The following MACROD2 variants were observed in gnomAD, a reference collection of about 807,000 sequenced individuals.
The protein encoded by MACROD2 is ADP-ribose glycohydrolase MACROD2.
MACROD2 carries 36 observed loss-of-function variants against 70.4 expected under a neutral mutation model. That is an observed-to-expected ratio of 0.51 (90% CI 0.39 to 0.68). MACROD2 has a LOEUF of 0.68. Ranked by LOEUF, MACROD2 falls within the 30% of genes least tolerant of loss-of-function variation. MACROD2 has a pLI of 0.00. For missense variants in MACROD2, 496 were observed against 538.4 expected (o/e 0.92, Z 0.78); for synonymous variants, 172 against 178.8 (o/e 0.96, Z 0.30).
At chr20:15,838,368 T>C (rs1484349199) in intron 8 of MACROD2, among the ~76,000 whole-genome samples, 1 of 152,194 alleles carries the variant, frequency 6.6e-6, no homozygotes, top group Non-Finnish European at 1.5e-5. Flanking sequence ...GCAAAATGTT[T>C]AATGTTTCCA....
At position 16,050,051 on chromosome 20, in the gene MACROD2, GA is replaced by G. The variant is rs560006410; in HGVS notation, c.*183del. 218 of 538,630 alleles carry G rather than the reference GA, an allele frequency of 4.0e-4. 1 individual carries two copies. Among genetic ancestry groups the G allele is most frequent in the African/African-American group, 3.9e-3 (197 of 51,002 alleles). 33.4% of individuals were successfully genotyped at this position (538,630 alleles called of 1,614,324 possible). A position where few individuals can be genotyped will look rare whatever the true frequency, so the allele number is the denominator to read the frequency against. ...TTCCGTTTATCTGCAGAAAAAGAAAGAAAAAAAAGAAAAAAAAAGTTTCCTT... is the reference window on the plus strand; with the variant it reads ...TTCCGTTTATCTGCAGAAAAAGAAAGAAAAAAAGAAAAAAAAAGTTTCCTT... On this transcript the variant is annotated 3_prime_UTR_variant, in exon 18 of 18. Transcript: ENST00000684519.
chr20:15,830,315 GT>G (rs2064041533), intron 8 of MACROD2, among the ~76,000 whole-genome samples: 1 of 152,206 alleles, frequency 6.6e-6, no homozygotes, highest in Admixed American at 6.5e-5. Context: ...GGATAAGTAA[GT>G]GAAAACCTTT....
chr20:15,274,612 G>T (rs1324433465), intron 6 of MACROD2, among the ~76,000 whole-genome samples: 2 of 152,176 alleles, frequency 1.3e-5, no homozygotes, highest in African/African-American at 2.4e-5. Flanking sequence ...CTTAAGTTGT[G>T]CTGGAAGCAG....
At chr20:14,259,792 C>T (rs998334328) in intron 3 of MACROD2, among the ~76,000 whole-genome samples, 1 of 152,166 alleles carries the variant, frequency 6.6e-6, no homozygotes, top group Non-Finnish European at 1.5e-5. Context: ...AGTTGCTGAA[C>T]AGTGTCTTGG....
At chr20:14,900,820 T>A (rs928803860) in intron 5 of MACROD2, among the ~76,000 whole-genome samples, 1 of 152,022 alleles carries the variant, frequency 6.6e-6, no homozygotes, top group African/African-American at 2.4e-5. Flanking sequence ...GCTTAAGTTT[T>A]TATTATTTCT....
At chr20:14,331,084 G>A (rs1159118022) in intron 3 of MACROD2, among the ~76,000 whole-genome samples, 1 of 152,094 alleles carries the variant, frequency 6.6e-6, no homozygotes, top group Non-Finnish European at 1.5e-5. Context: ...TTCCAGGGAT[G>A]ATGGTGAGGC....
chr20:14,009,146 C>T (rs953063840), intron 2 of MACROD2, among the ~76,000 whole-genome samples: 3 of 152,298 alleles, frequency 2.0e-5, no homozygotes, highest in African/African-American at 7.2e-5. Context: ...AGTTTCTGCA[C>T]AGCCAAAGAA....
chr20:14,775,797 A>G (rs1394238367), intron 5 of MACROD2, among the ~76,000 whole-genome samples: 2 of 152,040 alleles, frequency 1.3e-5, no homozygotes, highest in South Asian at 2.1e-4. Context: ...ATTTTTGCCA[A>G]TGTTGATTAT....
At chr20:14,360,447 A>G (rs1165735640) in intron 3 of MACROD2, among the ~76,000 whole-genome samples, 1 of 152,220 alleles carries the variant, frequency 6.6e-6, no homozygotes, top group Admixed American at 6.5e-5. Flanking sequence ...AAGGGAAGGT[A>G]GGCAGCAAAT....
chr20:14,621,880 T>C (rs1281642558), intron 4 of MACROD2: 1 of 152,140 alleles, frequency 6.6e-6, no homozygotes, highest in Non-Finnish European at 1.5e-5. Flanking sequence ...ATATTGACTT[T>C]GATGCAAAAA....
Position 15,921,969 on chromosome 20 carries a change from G to A in MACROD2, c.776-11307G>A, listed in dbSNP as rs574651355. Among the ~76,000 whole-genome samples the A allele has an allele frequency of 8.8e-4, 134 of 152,340 alleles. 1 individual carries two copies. Among genetic ancestry groups the A allele is most frequent in the Middle Eastern group, 3.4e-3 (1 of 294 alleles). Reference sequence around the variant, plus strand: ...CCAGGGGCATGGATGCCAGGGTAGGGGTATTTGTTCGCCCCCTCCTGTCCG... The same window carrying A: ...CCAGGGGCATGGATGCCAGGGTAGGAGTATTTGTTCGCCCCCTCCTGTCCG... On this transcript the variant is annotated intron_variant, in intron 10 of 17. Coordinates refer to ENST00000684519, the MANE Select transcript of MACROD2 (RefSeq NM_001351661.2).
At chr20:15,776,047 T>C (rs532413567) in intron 8 of MACROD2, among the ~76,000 whole-genome samples, 3 of 152,302 alleles carry the variant, frequency 2.0e-5, no homozygotes, top group African/African-American at 7.2e-5. Context: ...TAAGGTTGCT[T>C]CCATTTTCAC....
At chr20:14,140,237 A>G (rs1293227309) in intron 3 of MACROD2, among the ~76,000 whole-genome samples, 1 of 152,058 alleles carries the variant, frequency 6.6e-6, no homozygotes, top group East Asian at 1.9e-4. Flanking sequence ...TTCTAGGTAA[A>G]CTCTGGCTTT....
intron 8 of MACROD2, among the ~76,000 whole-genome samples, chr20:15,560,388 A>G (rs543831247): frequency 6.6e-6 from 1 of 152,336 alleles, no homozygotes; most frequent in Non-Finnish European, 1.5e-5. Flanking sequence ...TGATAAAACA[A>G]TTATTAAAAA....
chr20:14,860,785 G>C (rs2073307176), intron 5 of MACROD2, among the ~76,000 whole-genome samples: 1 of 152,016 alleles, frequency 6.6e-6, no homozygotes, highest in African/African-American at 2.4e-5. Context: ...GCCAGCAAAT[G>C]AAATTTACAG....
At chr20:15,055,764 A>C (rs2075479698) in intron 5 of MACROD2, among the ~76,000 whole-genome samples, 1 of 151,658 alleles carries the variant, frequency 6.6e-6, no homozygotes, top group African/African-American at 2.4e-5. Context: ...AGCTTCTGGA[A>C]GCTGGATTGG....
chr20:15,862,780 T>A lies in MACROD2; in HGVS notation c.681T>A (p.Val227=). The A allele has an allele frequency of 6.2e-7, 1 of 1,613,238 alleles. No individual in the cohort carries two copies. Among genetic ancestry groups the A allele is most frequent in the Non-Finnish European group, 8.5e-7 (1 of 1,179,636 alleles). ...TCATTTTCTGTGTCTTCTTAGAAGT[T>A]GACTTCAAAATCTACAAAAAGAAAA... ...DRIIFCVFLE[V]DFKIYKKKMN... The change falls in exon 9 of 18, where the codon GTT becomes GTA. Residue 227 remains valine, a synonymous_variant. Transcript: ENST00000684519.
At chr20:14,233,696 C>T (rs1601382466) in intron 3 of MACROD2, among the ~76,000 whole-genome samples, 1 of 15,552 alleles carries the variant, frequency 6.4e-5, no homozygotes, top group Non-Finnish European at 1.3e-4. Flanking sequence ...GACTCCGTCT[C>T]ACAAAAAAAA....
At chr20:15,788,804 G>A (rs921624847) in intron 8 of MACROD2, among the ~76,000 whole-genome samples, 1 of 152,118 alleles carries the variant, frequency 6.6e-6, no homozygotes, top group Non-Finnish European at 1.5e-5. Flanking sequence ...CCTATAATAA[G>A]TAAAGATATT....
Sources: gnomAD v4.1 joint callset for allele counts (sites outside exome capture counted in the v4.1 genomes callset) on GRCh38, gnomAD v4.1.1 for gene constraint, MANE v1.5 for transcripts, NCBI Gene and HGNC (gene_info 2026-07-23, HGNC 2026-07-21) for gene names.